The following EVI5 variants were observed in gnomAD, a reference collection of about 807,000 sequenced individuals.
EVI5 encodes ecotropic viral integration site 5, also known as ecotropic viral integration site 5 protein homolog.
In EVI5, 73 loss-of-function variants were observed where a neutral mutation model predicts 112.0. The ratio of observed to expected loss-of-function variants is 0.65; its 90% CI spans 0.54 to 0.79. The LOEUF (loss-of-function observed/expected upper bound fraction) is 0.79. Among genes scored for constraint, EVI5 ranks in the 30% least tolerant of loss-of-function variants. The pLI is 0.00. For missense variants in EVI5, 900 were observed against 968.8 expected (o/e 0.93, Z 0.94); for synonymous variants, 305 against 319.9 (o/e 0.95, Z 0.50).
At chr1:92,630,449 G>A (rs949548844) in intron 14 of EVI5, among the ~76,000 whole-genome samples, 6 of 152,124 alleles carry the variant, frequency 3.9e-5, no homozygotes. Flanking sequence ...TGTGTCTTTT[G>A]GCTGCATAAG....
intron 9 of EVI5, among the ~76,000 whole-genome samples, chr1:92,681,557 C>A (rs1163142018): frequency 6.6e-6 from 1 of 152,126 alleles, no homozygotes; most frequent in African/African-American, 2.4e-5. Flanking sequence ...TATTACCGTT[C>A]TTCTTAAAAT....
At chr1:92,544,660 C>T (rs1416788419) in intron 19 of EVI5, among the ~76,000 whole-genome samples, 1 of 152,048 alleles carries the variant, frequency 6.6e-6, no homozygotes, top group Non-Finnish European at 1.5e-5. Context: ...GTAGTATTCA[C>T]TTTTTTTCAG....
chr1:92,584,129 A>G (rs1672401585), intron 18 of EVI5, among the ~76,000 whole-genome samples: 1 of 152,226 alleles, frequency 6.6e-6, no homozygotes, highest in South Asian at 2.1e-4. Context: ...TTATACCCAC[A>G]GATGAAAAAT....
chr1:92,775,964 CA>C (rs1684071168), intron 1 of EVI5, among the ~76,000 whole-genome samples: 1 of 151,932 alleles, frequency 6.6e-6, no homozygotes, highest in Non-Finnish European at 1.5e-5. Flanking sequence ...AAAAATTAGC[CA>C]GGCGTGGTGG....
rs1011515610 is a variant in EVI5 at position 92,509,007 on chromosome 1, C to G, written c.*4649G>C. On this transcript the variant is annotated 3_prime_UTR_variant, in exon 20 of 20. Transcript: ENST00000684568. ...CTTAGTTTTGTTAATAATAGAGCAG[C>G]AGTAACTTTCAAGCTAAAACTCATT... The G allele has an allele frequency of 4.6e-5, 7 of 152,118 alleles. No homozygotes were observed. The highest frequency in any genetic ancestry group is 9.7e-5 in the African/African-American group (4 of 41,424). The allele number at this position is 152,118 out of a possible 1,614,324, so 9.4% of individuals were successfully genotyped here.
At chr1:92,750,047 T>C (rs1414122818) in intron 1 of EVI5, among the ~76,000 whole-genome samples, 1 of 152,192 alleles carries the variant, frequency 6.6e-6, no homozygotes, top group Non-Finnish European at 1.5e-5. Context: ...ATTGGAATTA[T>C]CAAATACAGA....
intron 18 of EVI5, among the ~76,000 whole-genome samples, chr1:92,601,637 A>G (rs1355620607): frequency 6.6e-6 from 1 of 152,184 alleles, no homozygotes; most frequent in African/African-American, 2.4e-5. Flanking sequence ...ATGATCTCAC[A>G]TGTGGGATAC....
Position 92,644,850 on chromosome 1 carries a change from AATG to A in EVI5, c.1393-8517_1393-8515del, listed in dbSNP as rs567012386. On this transcript the variant is annotated intron_variant, in intron 13 of 19. Transcript: ENST00000684568. Reference sequence around the variant, plus strand: ...GATACCTATTATTAATTTCTAATTGAATGATATTAGAGTCAGAGAAGATCCTTT... The same window carrying A: ...GATACCTATTATTAATTTCTAATTGAATATTAGAGTCAGAGAAGATCCTTT... Among the ~76,000 whole-genome samples, 60 of 152,302 alleles carry A rather than the reference AATG, an allele frequency of 3.9e-4. No homozygotes were observed. The South Asian group carries it at 0.012, about 31-fold the overall frequency.
At chr1:92,678,784 C>A (rs1161611616) in intron 9 of EVI5, among the ~76,000 whole-genome samples, 3 of 152,140 alleles carry the variant, frequency 2.0e-5, no homozygotes, top group African/African-American at 4.8e-5. Context: ...TAACTTACAG[C>A]TGCTTTCAAA....
intron 1 of EVI5, among the ~76,000 whole-genome samples, chr1:92,742,342 G>A (rs373524889): frequency 1.5e-4 from 23 of 151,816 alleles, no homozygotes; most frequent in African/African-American, 5.3e-4. Context: ...CTATAGGCAC[G>A]AGCCACTGTG....
At chr1:92,629,880 T>C (rs968174713) in intron 14 of EVI5, among the ~76,000 whole-genome samples, 5 of 141,150 alleles carry the variant, frequency 3.5e-5, no homozygotes, top group East Asian at 2.2e-4. Context: ...TGTGTTCCCA[T>C]TGTTCAATTC....
Position 92,526,270 on chromosome 1 carries a change from G to C in EVI5, c.2167-12300C>G, listed in dbSNP as rs549515582. On this transcript the variant is annotated intron_variant, in intron 19 of 19. Transcript: ENST00000684568. ...GATGAGGTCTTGATATGTTGCCCAG[G>C]CTGGTCTTGAACTCCTGGGCTCAGG... 8.2e-4 allele frequency among the ~76,000 whole-genome samples: 125 copies of C among 152,270 alleles called. 1 individual carries two copies. The highest frequency in any genetic ancestry group is 3.0e-3 in the African/African-American group (124 of 41,554).
In EVI5 at chr1:92,647,536, T is replaced by C. The variant is rs34558836; in HGVS notation, c.1393-11200A>G. ...GCACTTCTTGGAAAATTCTGCAAAA[T>C]TGACAGAGACCTCTGGGTTTCTCTT... On this transcript the variant is annotated intron_variant, in intron 13 of 19. Coordinates refer to ENST00000684568, the MANE Select transcript of EVI5 (RefSeq NM_001350197.2). 1.9e-3 allele frequency: 1,008 copies of C among 526,998 alleles called. 2 individuals carry two copies. Among genetic ancestry groups the C allele is most frequent in the Non-Finnish European group, 3.0e-3 (831 of 280,986 alleles). The allele number at this position is 526,998 out of a possible 1,614,324, so 32.6% of individuals were successfully genotyped here. A position where few individuals can be genotyped will look rare whatever the true frequency, so the allele number is the denominator to read the frequency against.
intron 10 of EVI5, among the ~76,000 whole-genome samples, chr1:92,669,626 T>C (rs752295219): frequency 6.6e-6 from 1 of 151,826 alleles, no homozygotes; most frequent in Non-Finnish European, 1.5e-5. Context: ...GTTATCTTTT[T>C]AAAATGTCTG....
At chr1:92,757,154 G>A (rs1036189297) in intron 1 of EVI5, among the ~76,000 whole-genome samples, 2 of 152,188 alleles carry the variant, frequency 1.3e-5, no homozygotes, top group Non-Finnish European at 2.9e-5. Flanking sequence ...CTTTGACGGT[G>A]CGTGTGTCAA....
intron 9 of EVI5, among the ~76,000 whole-genome samples, chr1:92,680,476 G>A (rs1361009199): frequency 6.6e-6 from 1 of 152,000 alleles, no homozygotes; most frequent in Non-Finnish European, 1.5e-5. Flanking sequence ...AATAAATGAG[G>A]GTGAAGGGAA....
intron 18 of EVI5, among the ~76,000 whole-genome samples, chr1:92,582,742 C>G (rs915790835): frequency 2.0e-5 from 3 of 152,142 alleles, no homozygotes; most frequent in Admixed American, 2.0e-4. Context: ...CTATAATTAT[C>G]TGGAAGTTCT....
intron 19 of EVI5, among the ~76,000 whole-genome samples, chr1:92,536,308 T>C (rs1395661716): frequency 6.6e-6 from 1 of 152,166 alleles, no homozygotes; most frequent in Non-Finnish European, 1.5e-5. Context: ...AGGAAAGCGA[T>C]AAGTTATTAT....
intron 13 of EVI5, among the ~76,000 whole-genome samples, chr1:92,640,790 C>T (rs778313920): frequency 1.8e-4 from 27 of 152,052 alleles, no homozygotes; most frequent in Non-Finnish European, 3.5e-4. Context: ...ATATGTTTAC[C>T]GCAGCACTGT....
Sources: allele counts gnomAD v4.1 joint callset (sites outside exome capture counted in the v4.1 genomes callset), GRCh38; gene constraint gnomAD v4.1.1; transcripts MANE v1.5; gene names NCBI Gene and HGNC (gene_info 2026-07-23, HGNC 2026-07-21).